SMARCD3: variants seen among roughly 807,000 people sequenced by gnomAD.
The protein encoded by SMARCD3 is SWI/SNF-related matrix-associated actin-dependent regulator of chromatin subfamily D member 3.
SMARCD3 carries 14 observed loss-of-function variants against 58.0 expected under a neutral mutation model. That is an observed-to-expected ratio of 0.24 (90% CI 0.16 to 0.38). SMARCD3 has a LOEUF of 0.38. SMARCD3 is among the 10% of genes least tolerant of loss of function. SMARCD3 has a pLI of 1.00. For synonymous variants in SMARCD3, 253 were observed against 253.8 expected (o/e 1.00, Z 0.03); for missense variants, 408 against 636.9 (o/e 0.64, Z 3.87).
chr7:151,269,920 A>G (rs547992748), intron 2 of SMARCD3, among the ~76,000 whole-genome samples: 1 of 152,296 alleles, frequency 6.6e-6, no homozygotes, highest in East Asian at 1.9e-4. Flanking sequence ...GGAAAGGGAG[A>G]GCTCACCTTC....
upstream of SMARCD3, among the ~76,000 whole-genome samples, chr7:151,250,618 C>G (rs760559951): frequency 2.6e-5 from 4 of 151,910 alleles, no homozygotes; most frequent in Non-Finnish European, 5.9e-5. Context: ...AGCCTTCCTT[C>G]GTCCTACTTG....
At chr7:151,271,281 G>C (rs972726763) in intron 2 of SMARCD3, among the ~76,000 whole-genome samples, 4 of 152,208 alleles carry the variant, frequency 2.6e-5, no homozygotes, top group Non-Finnish European at 5.9e-5. Flanking sequence ...TCCTCTTCTA[G>C]ACGAGTCTGT....
intron 2 of SMARCD3, among the ~76,000 whole-genome samples, chr7:151,272,600 G>A (rs1479678907): frequency 2.0e-5 from 3 of 152,148 alleles, no homozygotes; most frequent in South Asian, 4.1e-4. Flanking sequence ...CATGAGGCAC[G>A]TTCTCAAATC....
chr7:151,275,216 C>T (rs1229496952), exon 2 of SMARCD3: 1 of 1,428,206 alleles, frequency 7.0e-7, no homozygotes, highest in African/African-American at 1.4e-5. Context: ...GCCCGGAGCC[C>T]ACCGCGCCTG....
Position 151,241,487 on chromosome 7 carries a change from GT to G in SMARCD3, c.939+4del. 6.2e-7 allele frequency: 1 copy of G among 1,610,862 alleles called. No homozygotes were observed. The highest frequency in any genetic ancestry group is 8.5e-7 in the Non-Finnish European group (1 of 1,178,616). On this transcript the variant is annotated splice_donor_region_variant and intron_variant, in intron 8 of 12. Coordinates refer to ENST00000262188, the MANE Select transcript of SMARCD3 (RefSeq NM_001003801.2). This position sits in a 1 kb window ranked among gnomAD's most constrained non-coding sequence, Gnocchi z 5.3. ...CCAGATCCCAGGGTTCAGGAGAGAGGTTACCTGCTGGAAATACTTGTCCCCA... is the reference window on the plus strand; with the variant it reads ...CCAGATCCCAGGGTTCAGGAGAGAGGTACCTGCTGGAAATACTTGTCCCCA...
In SMARCD3 at chr7:151,240,186, G is replaced by A; in HGVS notation, c.1099C>T (p.Pro367Ser). The change falls in exon 10 of 13, where the codon CCA (proline) becomes TCA (serine). Residue 367 changes from proline (P) to serine (S), a missense_variant. Transcript: ENST00000262188. Reference sequence around the variant, plus strand: ...AAGCTGCTCATCTGCCCCTTTAATGGCTCCTCCACCTCCACGTCAATGTCA... The same window carrying A: ...AAGCTGCTCATCTGCCCCTTTAATGACTCCTCCACCTCCACGTCAATGTCA... ...CYDIDVEVEE[P>S]LKGQMSSFLL... 1 of 1,614,050 alleles carries A rather than the reference G, an allele frequency of 6.2e-7. No homozygotes were observed. Among genetic ancestry groups the A allele is most frequent in the Non-Finnish European group, 8.5e-7 (1 of 1,180,002 alleles).
In SMARCD3 at chr7:151,246,812, G is replaced by A. The variant is rs1054706907; in HGVS notation, c.79-1141C>T. Among the ~76,000 whole-genome samples, 5 of 152,150 alleles carry A rather than the reference G, an allele frequency of 3.3e-5. No homozygotes were observed. Among genetic ancestry groups the A allele is most frequent in the Non-Finnish European group, 7.4e-5 (5 of 68,008 alleles). ...AGGGCCAGAGAGAGTTTCAGGGGCT[G>A]TGAAACAGAAAGAGCGGGGTGGGAT... On this transcript the variant is annotated intron_variant, in intron 1 of 12. Coordinates refer to ENST00000262188, the MANE Select transcript of SMARCD3 (RefSeq NM_001003801.2). This position sits in a 1 kb window ranked among gnomAD's most constrained non-coding sequence, Gnocchi z 4.4.
At chr7:151,261,601 A>G (rs1803919624) in intron 2 of SMARCD3, among the ~76,000 whole-genome samples, 1 of 152,230 alleles carries the variant, frequency 6.6e-6, no homozygotes, top group African/African-American at 2.4e-5. Flanking sequence ...CTTAACGAGC[A>G]GCAGCTGTTA....
rs907655505 is a variant in SMARCD3 at position 151,245,376 on chromosome 7, T to C, written c.290+84A>G. The stretch of plus-strand genomic sequence containing the variant: ...AATCATTCTTCCTCGCCCCTTCCAA[T>C]CCCCGCTACTCGCTTACCTGGTCCC... On this transcript the variant is annotated intron_variant, in intron 2 of 12. Coordinates refer to ENST00000262188, the MANE Select transcript of SMARCD3 (RefSeq NM_001003801.2). The surrounding 1 kb of genome is among the most constrained non-coding windows in gnomAD (Gnocchi z 6.2). 1.8e-5 allele frequency: 9 copies of C among 500,598 alleles called. No individual in the cohort carries two copies. The Admixed American group carries it at 4.1e-4, about 23-fold the overall frequency. 31.0% of individuals were successfully genotyped at this position (500,598 alleles called of 1,614,324 possible).
upstream of SMARCD3, among the ~76,000 whole-genome samples, chr7:151,252,625 C>T (rs1309121566): frequency 2.0e-5 from 3 of 152,186 alleles, no homozygotes; most frequent in African/African-American, 7.2e-5. Context: ...GCACCAGCCT[C>T]GGGGGACCTC....
chr7:151,244,852 G>A (rs947276452), intron 2 of SMARCD3, among the ~76,000 whole-genome samples: 2 of 152,236 alleles, frequency 1.3e-5, no homozygotes, highest in African/African-American at 4.8e-5. Flanking sequence ...GGCTTTGAGG[G>A]TGCCACCAGC....
At chr7:151,255,743 C>A (rs947470611) in intron 2 of SMARCD3, among the ~76,000 whole-genome samples, 1 of 152,090 alleles carries the variant, frequency 6.6e-6, no homozygotes, top group Admixed American at 6.6e-5. Context: ...CCAAATCCTG[C>A]GACTCCTCTG....
rs1803226951 is a variant in SMARCD3 at position 151,245,712 on chromosome 7, G to A, written c.79-41C>T. 2 of 481,212 alleles carry A rather than the reference G, an allele frequency of 4.2e-6. No individual in the cohort carries two copies. 29.8% of individuals were successfully genotyped at this position (481,212 alleles called of 1,614,324 possible). Reference sequence around the variant, plus strand: ...GGTGAAGCAGAAACGGGCGCCCGTGGGTCAGACCAGGGCCCCCCGCTCCAG... The same window carrying A: ...GGTGAAGCAGAAACGGGCGCCCGTGAGTCAGACCAGGGCCCCCCGCTCCAG... On this transcript the variant is annotated intron_variant, in intron 1 of 12. Coordinates refer to ENST00000262188, the MANE Select transcript of SMARCD3 (RefSeq NM_001003801.2). This position sits in a 1 kb window ranked among gnomAD's most constrained non-coding sequence, Gnocchi z 6.2.
Position 151,240,505 on chromosome 7 carries a change from C to G in SMARCD3, c.957G>C (p.Arg319=). 6.2e-7 allele frequency: 1 copy of G among 1,613,402 alleles called. No homozygotes were observed. The highest frequency in any genetic ancestry group is 1.1e-5 in the South Asian group (1 of 90,876). ...KYFQQIFDCP[R]LKFSEIPQRL... ...GCTGGGGAATCTCAGAAAACTTCAG[C>G]CGGGGACAATCAAAAATCTGAAGCA... Residue 319 remains arginine (R), a synonymous_variant, in exon 9 of 13, where the codon CGG becomes CGC. Transcript: ENST00000262188.
In SMARCD3 at chr7:151,246,574, CTGCCCAGG is replaced by C. The variant is rs1803277297; in HGVS notation, c.79-911_79-904del. Among the ~76,000 whole-genome samples, 1 of 152,178 alleles carries C rather than the reference CTGCCCAGG, an allele frequency of 6.6e-6. No homozygotes were observed. The highest frequency in any genetic ancestry group is 2.1e-4 in the South Asian group (1 of 4,832). On this transcript the variant is annotated intron_variant, in intron 1 of 12. Coordinates refer to ENST00000262188, the MANE Select transcript of SMARCD3 (RefSeq NM_001003801.2). This position sits in a 1 kb window ranked among gnomAD's most constrained non-coding sequence, Gnocchi z 4.4. ...CTTGCACTCACATTTCCCTTCCTGT[CTGCCCAGG>C]TCAGCAGCCACCTCCTCCTCTTCCC...
chr7:151,271,148 C>T (rs7792624), intron 2 of SMARCD3, among the ~76,000 whole-genome samples: 95,786 of 152,056 alleles, frequency 0.63, 32,276 homozygotes, highest in African/African-American at 0.86. Context: ...CCCACCCTTC[C>T]TCCCTGTGGG....
rs569764201 is a variant in SMARCD3, at chr7:151,269,968, C to A, written c.39+5146G>T. ...AGGTGGCTCCAAGTGTGGGCCATGG[C>A]CTTGGGGGATCTTCAGCGCTCCCCA... is the stretch of plus-strand genomic sequence containing the variant. On this transcript the variant is annotated intron_variant, in intron 2 of 13. Transcript: ENST00000356800. 2.6e-5 allele frequency among the ~76,000 whole-genome samples: 4 copies of A among 152,234 alleles called. No individual in the cohort carries two copies. In the East Asian group the frequency reaches 7.7e-4, roughly 29 times the overall value.
upstream of SMARCD3, among the ~76,000 whole-genome samples, chr7:151,251,239 G>A (rs58125572): frequency 6.6e-6 from 1 of 151,766 alleles, no homozygotes; most frequent in African/African-American, 2.4e-5. Flanking sequence ...ATACATAAGC[G>A]CTCTCCTGAG....
intron 1 of SMARCD3, chr7:151,275,295 G>A (rs1339951645): frequency 2.8e-6 from 2 of 722,468 alleles, no homozygotes; most frequent in Non-Finnish European, 4.9e-6. Flanking sequence ...TAGATTCAAG[G>A]AGGCCTCGGG....
Sources: gnomAD v4.1 joint callset for allele counts (sites outside exome capture counted in the v4.1 genomes callset) on GRCh38, gnomAD v4.1.1 for gene constraint, Gnocchi (gnomAD v3.1) non-coding constraint, MANE v1.5 for transcripts, NCBI Gene and HGNC (gene_info 2026-07-23, HGNC 2026-07-21) for gene names.